Variants in KIF5C observed in about 807,000 individuals in gnomAD.
KIF5C encodes kinesin heavy chain isoform 5C.
Under a neutral mutation model 125.2 loss-of-function variants are expected in KIF5C, and 18 were observed. The observed-to-expected ratio is 0.14, with a 90% CI of 0.10 to 0.21. The LOEUF (loss-of-function observed/expected upper bound fraction) is 0.21. Among genes scored for constraint, KIF5C ranks in the 10% least tolerant of loss-of-function variants. The pLI, the probability that KIF5C is intolerant of heterozygous loss-of-function variation, is 1.00. For missense variants in KIF5C, 780 were observed against 1,183.8 expected, an observed-to-expected ratio of 0.66 and a Z score of 5.01; for synonymous variants, 405 against 434.0, an observed-to-expected ratio of 0.93 and a Z score of 0.83.
At chr2:148,936,422 C>T (rs1023988431) in intron 3 of KIF5C, among the ~76,000 whole-genome samples, 6 of 152,164 alleles carry the variant, frequency 3.9e-5, no homozygotes, top group Non-Finnish European at 5.9e-5. Context: ...GCTTATTTGA[C>T]GGTGGGCTTA....
intron 13 of KIF5C, among the ~76,000 whole-genome samples, chr2:148,980,149 T>C (rs1333299669): frequency 6.6e-6 from 1 of 152,182 alleles, no homozygotes; most frequent in East Asian, 1.9e-4. Context: ...TTTAGGACAA[T>C]GATTACCTCC....
rs1037409382 is a variant in KIF5C, at chr2:148,994,273, C to T, written c.1906-148C>T. 3.6e-6 allele frequency: 4 copies of T among 1,109,374 alleles called. No homozygotes were observed. The African/African-American group carries it at 6.3e-5, about 18-fold the overall frequency. 68.7% of individuals were successfully genotyped at this position (1,109,374 alleles called of 1,614,324 possible). On this transcript the variant is annotated intron_variant, in intron 16 of 25. Transcript: ENST00000435030. ...CTTGGTATGATTCTGAACACCAAGGCAAGGGTAAAATGGGCACCATTTGGT... is the reference window on the plus strand; with the variant it reads ...CTTGGTATGATTCTGAACACCAAGGTAAGGGTAAAATGGGCACCATTTGGT...
chr2:148,926,644 C>T (rs1045746281), intron 2 of KIF5C, among the ~76,000 whole-genome samples: 3 of 152,216 alleles, frequency 2.0e-5, no homozygotes, highest in Non-Finnish European at 2.9e-5. Context: ...GCTCCTGCTC[C>T]ACTTCCTCTC....
At chr2:148,891,320 G>A (rs1681702531) in intron 1 of KIF5C, among the ~76,000 whole-genome samples, 1 of 152,034 alleles carries the variant, frequency 6.6e-6, no homozygotes, top group African/African-American at 2.4e-5. Flanking sequence ...TTTTCAACGT[G>A]GATACTTAGG....
chr2:148,983,572 A>G, intron 14 of KIF5C, 48 bp from the exon 15 acceptor site: 1 of 1,500,130 alleles, frequency 6.7e-7, no homozygotes, highest in Non-Finnish European at 8.9e-7. Context: ...GGAGTGTATG[A>G]AATTGATGGG....
intron 21 of KIF5C, among the ~76,000 whole-genome samples, chr2:149,004,628 C>A (rs1162529782): frequency 6.6e-6 from 1 of 152,140 alleles, no homozygotes; most frequent in Non-Finnish European, 1.5e-5. Flanking sequence ...GGAAGCAATA[C>A]AATCCTAATG....
intron 3 of KIF5C, among the ~76,000 whole-genome samples, chr2:148,932,344 C>T (rs1351839003): frequency 1.3e-5 from 2 of 152,152 alleles, no homozygotes; most frequent in African/African-American, 4.8e-5. Context: ...AGTGGTGATT[C>T]CATTACCTTG....
intron 7 of KIF5C, among the ~76,000 whole-genome samples, chr2:148,946,489 T>C (rs1293192540): frequency 1.3e-5 from 2 of 152,216 alleles, no homozygotes; most frequent in African/African-American, 4.8e-5. Flanking sequence ...AAGGCAAGGC[T>C]TATGCACATG....
chr2:148,958,843 G>GC (rs1682858242), intron 10 of KIF5C, among the ~76,000 whole-genome samples: 1 of 152,004 alleles, frequency 6.6e-6, no homozygotes, highest in Non-Finnish European at 1.5e-5. Flanking sequence ...AATTAGCTGG[G>GC]CGTGGTGGCG....
chr2:148,946,867 T>A (rs760573809), intron 7 of KIF5C, 32 bp from the exon 8 acceptor site: 1 of 1,607,158 alleles, frequency 6.2e-7, no homozygotes, highest in East Asian at 2.2e-5. Flanking sequence ...CTACATGTTC[T>A]TTGTAGAGCA....
intron 15 of KIF5C, among the ~76,000 whole-genome samples, chr2:148,989,874 A>G (rs1407097763): frequency 2.0e-5 from 3 of 152,218 alleles, no homozygotes; most frequent in Non-Finnish European, 4.4e-5. Flanking sequence ...CAGGGCTGAT[A>G]CCTGGTTCCA....
chr2:148,933,108 T>A (rs1682215060), intron 3 of KIF5C, among the ~76,000 whole-genome samples: 1 of 152,106 alleles, frequency 6.6e-6, no homozygotes, highest in Non-Finnish European at 1.5e-5. Context: ...TAAAATACAC[T>A]TTCACTGTTC....
At chr2:148,947,855 G>A in intron 8 of KIF5C, 1 of 456,382 alleles carries the variant, frequency 2.2e-6, no homozygotes, top group Non-Finnish European at 4.4e-6. Context: ...CCCCATGAAG[G>A]CCAGCCTTGA....
chr2:148,931,384 C>T (rs981808969), intron 3 of KIF5C, among the ~76,000 whole-genome samples: 6 of 152,092 alleles, frequency 3.9e-5, no homozygotes, highest in Non-Finnish European at 7.4e-5. Context: ...GAGCTATGCC[C>T]GCCCTTTAAA....
At chr2:148,883,289 C>T (rs1367511554) in intron 1 of KIF5C, among the ~76,000 whole-genome samples, 1 of 152,096 alleles carries the variant, frequency 6.6e-6, no homozygotes, top group Non-Finnish European at 1.5e-5. Context: ...ATCATGAGGT[C>T]AGGAGATCGA....
At chr2:148,920,208 C>T (rs1240325620) in intron 1 of KIF5C, among the ~76,000 whole-genome samples, 1 of 152,124 alleles carries the variant, frequency 6.6e-6, no homozygotes, top group Non-Finnish European at 1.5e-5. Flanking sequence ...AGACGCTTTA[C>T]TTTGGTGATT....
chr2:148,929,297 T>C lies in KIF5C; in HGVS notation c.234T>C (p.Tyr78=), dbSNP rs1218996800. 5 of 1,535,594 alleles carry C rather than the reference T, an allele frequency of 3.3e-6. No individual in the cohort carries two copies. Among genetic ancestry groups the C allele is most frequent in the East Asian group, 2.4e-5 (1 of 40,914 alleles). The change falls in exon 3 of 26, where the codon TAT becomes TAC. Residue 78 remains tyrosine (Y), a synonymous_variant. Coordinates refer to ENST00000435030, the MANE Select transcript of KIF5C (RefSeq NM_004522.3). ...KQIVKDVLEG[Y]NGTIFAYGQT... Reference sequence around the variant, plus strand: ...TGTTCACAGATGTCCTTGAAGGTTATAACGGGACGATTTTTGCGTATGGGC... The same window carrying C: ...TGTTCACAGATGTCCTTGAAGGTTACAACGGGACGATTTTTGCGTATGGGC...
chr2:148,903,025 G>A (rs73007586), intron 1 of KIF5C, among the ~76,000 whole-genome samples: 22,964 of 152,058 alleles, frequency 0.15, 2,871 homozygotes, highest in African/African-American at 0.34. Context: ...TTGTAAGGCT[G>A]CCCTTGAGCT....
At chr2:148,922,651 T>A (rs1681834621) in intron 2 of KIF5C, among the ~76,000 whole-genome samples, 1 of 152,184 alleles carries the variant, frequency 6.6e-6, no homozygotes. Context: ...TTTACTAATA[T>A]CTCTCAGCAA....
Sources: allele counts gnomAD v4.1 joint callset (sites outside exome capture counted in the v4.1 genomes callset), GRCh38; gene constraint gnomAD v4.1.1; transcripts MANE v1.5; gene names NCBI Gene and HGNC (gene_info 2026-07-23, HGNC 2026-07-21).